ITFG1: variants seen among roughly 807,000 people sequenced by gnomAD.
ITFG1 encodes T-cell immunomodulatory protein.
In ITFG1, 34 loss-of-function variants were observed where a neutral mutation model predicts 81.8. That is an observed-to-expected ratio of 0.42 (90% CI 0.32 to 0.55). ITFG1 has a LOEUF of 0.55. Ranked by LOEUF, ITFG1 falls within the 20% of genes least tolerant of loss-of-function variation. The probability of loss-of-function intolerance (pLI) is 0.17; values close to 1 mark genes in which losing one functional copy is unlikely to be tolerated. For missense variants in ITFG1, 672 were observed against 755.4 expected (o/e 0.89, Z 1.29); for synonymous variants, 285 against 270.6 (o/e 1.05, Z -0.52).
At chr16:47,257,385 C>T (rs976637476) in intron 12 of ITFG1, among the ~76,000 whole-genome samples, 1 of 152,032 alleles carries the variant, frequency 6.6e-6, no homozygotes, top group Non-Finnish European at 1.5e-5. Context: ...CTACAGCCAT[C>T]TTAAAGAAAA....
At chr16:47,266,352 G>A (rs1043619754) in intron 10 of ITFG1, among the ~76,000 whole-genome samples, 3 of 152,088 alleles carry the variant, frequency 2.0e-5, no homozygotes, top group Admixed American at 1.3e-4. Flanking sequence ...GGAGTAGCTG[G>A]AATTACAGGC....
At chr16:47,168,545 GTT>G (rs758632507) in intron 14 of ITFG1, among the ~76,000 whole-genome samples, 2 of 117,650 alleles carry the variant, frequency 1.7e-5, no homozygotes, top group African/African-American at 3.3e-5. Flanking sequence ...CTAATTAAAA[GTT>G]TTTTTTTTTT....
chr16:47,407,320 G>C (rs771097300), intron 6 of ITFG1, among the ~76,000 whole-genome samples: 12 of 152,040 alleles, frequency 7.9e-5, no homozygotes, highest in Non-Finnish European at 1.6e-4. Flanking sequence ...CTTGATATTG[G>C]GTGTGACAGA....
intron 8 of ITFG1, among the ~76,000 whole-genome samples, chr16:47,321,759 A>T (rs1344609761): frequency 1.3e-5 from 2 of 152,228 alleles, no homozygotes; most frequent in Non-Finnish European, 2.9e-5. Flanking sequence ...TATTATATAA[A>T]CCAGGCTAGA....
At chr16:47,190,419 C>G (rs1294137543) in intron 14 of ITFG1, among the ~76,000 whole-genome samples, 2 of 152,140 alleles carry the variant, frequency 1.3e-5, no homozygotes, top group African/African-American at 4.8e-5. Context: ...CTTGGAGAGA[C>G]CTAGAGGCAG....
At chr16:47,461,182 C>G, upstream of ITFG1, 1 of 999,892 alleles carries the variant, frequency 1.0e-6, no homozygotes. Context: ...TTCTCTCTCC[C>G]ACTAGGGCTG....
rs117191019 is a variant in ITFG1 at position 47,269,657 on chromosome 16, C to T, written c.1071-8962G>A. ...AAATAAAAAAGCTATATATGCACTA[C>T]ATTCATAGTCAGAGGATGCAATATT... On this transcript the variant is annotated intron_variant, in intron 10 of 17. Transcript: ENST00000320640. Among the ~76,000 whole-genome samples the T allele has an allele frequency of 5.5e-3, 833 of 152,236 alleles. 7 individuals are homozygous for T. The highest frequency in any genetic ancestry group is 0.01 in the Middle Eastern group (3 of 294).
At chr16:47,368,890 G>A (rs1318619866) in intron 7 of ITFG1, among the ~76,000 whole-genome samples, 2 of 152,108 alleles carry the variant, frequency 1.3e-5, no homozygotes, top group Non-Finnish European at 2.9e-5. Flanking sequence ...TCCAATTGCT[G>A]GAGGAAAAGA....
chr16:47,405,052 T>C (rs1364120591), intron 6 of ITFG1, among the ~76,000 whole-genome samples: 1 of 152,134 alleles, frequency 6.6e-6, no homozygotes, highest in Non-Finnish European at 1.5e-5. Context: ...GTCACAAATA[T>C]CGTCTCCCAA....
chr16:47,238,942 G>A (rs1282347896), intron 12 of ITFG1, among the ~76,000 whole-genome samples: 1 of 152,190 alleles, frequency 6.6e-6, no homozygotes, highest in African/African-American at 2.4e-5. Context: ...ACGTGACAGT[G>A]TTAAGAGGTG....
intron 11 of ITFG1, among the ~76,000 whole-genome samples, chr16:47,259,924 T>C (rs1005156775): frequency 3.9e-5 from 6 of 152,068 alleles, no homozygotes; most frequent in Admixed American, 2.6e-4. Flanking sequence ...GGTCTGTTAT[T>C]TGTTGGCTGT....
intron 6 of ITFG1, among the ~76,000 whole-genome samples, chr16:47,397,043 C>T (rs1021965986): frequency 2.6e-5 from 4 of 152,082 alleles, no homozygotes; most frequent in Admixed American, 2.0e-4. Context: ...AGGAAGATGA[C>T]GTTTGGTGTA....
Position 47,154,404 on chromosome 16 carries a change from T to C in ITFG1, c.*1315A>G, listed in dbSNP as rs1480092949. ...TGAAATACTTTGTTTCAATAAGGAA[T>C]ATTTATTAAGAAGACATGTTAACAT... On this transcript the variant is annotated 3_prime_UTR_variant, in exon 18 of 18. Transcript: ENST00000320640. 1 of 152,196 alleles carries C rather than the reference T, an allele frequency of 6.6e-6. No homozygotes were observed. The highest frequency in any genetic ancestry group is 2.4e-5 in the African/African-American group (1 of 41,438). 9.4% of individuals were successfully genotyped at this position (152,196 alleles called of 1,614,324 possible). A position where few individuals can be genotyped will look rare whatever the true frequency, so the allele number is the denominator to read the frequency against.
At chr16:47,300,742 T>C (rs759417904) in intron 10 of ITFG1, among the ~76,000 whole-genome samples, 9 of 152,252 alleles carry the variant, frequency 5.9e-5, no homozygotes, top group Admixed American at 5.2e-4. Context: ...TTGAAACACT[T>C]GATGGAATTC....
At chr16:47,386,884 G>C (rs960312098) in intron 6 of ITFG1, among the ~76,000 whole-genome samples, 1 of 152,180 alleles carries the variant, frequency 6.6e-6, no homozygotes, top group African/African-American at 2.4e-5. Context: ...AGGTTTGATG[G>C]AAAGCAATAG....
chr16:47,241,183 A>T (rs1270894949), intron 12 of ITFG1, among the ~76,000 whole-genome samples: 3 of 152,244 alleles, frequency 2.0e-5, no homozygotes, highest in Non-Finnish European at 4.4e-5. Flanking sequence ...TGGAACTCTC[A>T]TACATTTCTG....
At chr16:47,399,358 G>A (rs530421884) in intron 6 of ITFG1, among the ~76,000 whole-genome samples, 2 of 152,322 alleles carry the variant, frequency 1.3e-5, no homozygotes, top group African/African-American at 4.8e-5. Flanking sequence ...CAGATCATAA[G>A]GTCAGGAGAT....
At chr16:47,159,242 A>T (rs969732550) in intron 16 of ITFG1, among the ~76,000 whole-genome samples, 1 of 152,196 alleles carries the variant, frequency 6.6e-6, no homozygotes, top group Non-Finnish European at 1.5e-5. Flanking sequence ...AGATATTTCA[A>T]TATTTTTCAT....
intron 5 of ITFG1, 137 bp from the exon 6 acceptor site, chr16:47,429,035 A>C: frequency 3.3e-6 from 2 of 608,968 alleles, no homozygotes; most frequent in Non-Finnish European, 5.7e-6. Context: ...CATTCTCTTA[A>C]AGTGCAGTGA....
Sources: gnomAD v4.1 joint callset for allele counts (sites outside exome capture counted in the v4.1 genomes callset) on GRCh38, gnomAD v4.1.1 for gene constraint, MANE v1.5 for transcripts, NCBI Gene and HGNC (gene_info 2026-07-23, HGNC 2026-07-21) for gene names.